The following ST8SIA5 variants were observed in gnomAD, a reference collection of about 807,000 sequenced individuals.
ST8SIA5 encodes the protein ST8 alpha-N-acetyl-neuraminide alpha-2,8-sialyltransferase 5.
A neutral mutation model predicts 40.2 loss-of-function variants in ST8SIA5; 24 were observed. The ratio of observed to expected loss-of-function variants is 0.60; its 90% CI spans 0.43 to 0.84. The LOEUF (loss-of-function observed/expected upper bound fraction) is 0.84. Ranked by LOEUF, ST8SIA5 falls within the 40% of genes least tolerant of loss-of-function variation. ST8SIA5 has a pLI of 0.00. For missense variants in ST8SIA5, 465 were observed against 498.5 expected, an observed-to-expected ratio of 0.93 and a Z score of 0.64; for synonymous variants, 198 against 201.8, an observed-to-expected ratio of 0.98 and a Z score of 0.16.
intron 3 of ST8SIA5, among the ~76,000 whole-genome samples, chr18:46,690,950 A>G (rs1016043969): frequency 1.1e-4 from 17 of 152,290 alleles, no homozygotes; most frequent in African/African-American, 4.1e-4. Context: ...CTAAGTCTGG[A>G]CAACAGGCTT....
In ST8SIA5 at chr18:46,688,835, A is replaced by G. The variant is rs370182469; in HGVS notation, c.396T>C (p.Tyr132=). 12 of 1,613,892 alleles carry G rather than the reference A, an allele frequency of 7.4e-6. No individual in the cohort carries two copies. The African/African-American group carries it at 1.5e-4, about 20-fold the overall frequency. ...GGTAGATGCCACTGGTGTCCACCTC[A>G]TACTTGAGCTTTGTCCCCAGGGGAG... The part of the protein sequence containing the change: ...KNTPLGTKLK[Y]EVDTSGIYHI... Residue 132 remains tyrosine (Y), a synonymous_variant, in exon 4 of 7, where the codon TAT becomes TAC. Transcript: ENST00000315087.
intron 1 of ST8SIA5, among the ~76,000 whole-genome samples, chr18:46,743,022 A>G (rs1355166906): frequency 2.6e-5 from 4 of 152,154 alleles, no homozygotes; most frequent in African/African-American, 7.2e-5. Flanking sequence ...TAGCATCAAC[A>G]TCAACAAAAA....
At chr18:46,751,874 C>T (rs920090525) in intron 1 of ST8SIA5, among the ~76,000 whole-genome samples, 14 of 152,136 alleles carry the variant, frequency 9.2e-5, no homozygotes, top group Non-Finnish European at 1.3e-4. Flanking sequence ...ACACTGATGT[C>T]AGTGGTTGGT....
At position 46,674,076 on chromosome 18, in the gene ST8SIA5, C is replaced by A. The variant is rs1279071927; in HGVS notation, c.*5966G>T. The A allele has an allele frequency of 6.6e-6, 1 of 152,190 alleles. No homozygotes were observed. 9.4% of individuals were successfully genotyped at this position (152,190 alleles called of 1,614,324 possible). A position where few individuals can be genotyped will look rare whatever the true frequency, so the allele number is the denominator to read the frequency against. On this transcript the variant is annotated 3_prime_UTR_variant, in exon 7 of 7. Coordinates refer to ENST00000315087, the MANE Select transcript of ST8SIA5 (RefSeq NM_013305.6). ...AAAGCTCAGCTCACCTGTTTCCCAGCCAAAGCATTCAGCATGTTCCTCTAG... is the reference window on the plus strand; with the variant it reads ...AAAGCTCAGCTCACCTGTTTCCCAGACAAAGCATTCAGCATGTTCCTCTAG...
At chr18:46,690,211 T>C (rs904545519) in intron 3 of ST8SIA5, among the ~76,000 whole-genome samples, 3 of 152,182 alleles carry the variant, frequency 2.0e-5, no homozygotes, top group African/African-American at 4.8e-5. Flanking sequence ...GTGTGCCTAT[T>C]TGTAGGCAGC....
In ST8SIA5 at chr18:46,680,189, G is replaced by T. The variant is rs746255295; in HGVS notation, c.984C>A (p.Pro328=). 3 of 1,614,234 alleles carry T rather than the reference G, an allele frequency of 1.9e-6. No individual in the cohort carries two copies. The highest frequency in any genetic ancestry group is 1.1e-5 in the South Asian group (1 of 91,084). ...LFGFWAFPMN[P]SGLYITHHYY... ...AGTGGTGAGTGATGTAGAGGCCCGAGGGGTTCATGGGGAAGGCCCAGAAGC... is the reference window on the plus strand; with the variant it reads ...AGTGGTGAGTGATGTAGAGGCCCGATGGGTTCATGGGGAAGGCCCAGAAGC... The change falls in exon 7 of 7, where the codon CCC becomes CCA. Residue 328 remains proline (P), a synonymous_variant. Coordinates refer to ENST00000315087, the MANE Select transcript of ST8SIA5 (RefSeq NM_013305.6).
chr18:46,703,134 C>CT (rs1441326532), intron 2 of ST8SIA5, among the ~76,000 whole-genome samples: 3 of 152,180 alleles, frequency 2.0e-5, no homozygotes, highest in Non-Finnish European at 4.4e-5. Context: ...TATCTACTTT[C>CT]TTTTTTTATT....
chr18:46,690,541 C>T (rs1472428907), intron 3 of ST8SIA5, among the ~76,000 whole-genome samples: 1 of 151,676 alleles, frequency 6.6e-6, no homozygotes, highest in Admixed American at 6.6e-5. Context: ...ACACTCATCC[C>T]TGTTTTTCTC....
chr18:46,725,975 ATATATAT>A (rs2039918573), intron 1 of ST8SIA5, among the ~76,000 whole-genome samples: 15 of 27,142 alleles, frequency 5.5e-4, no homozygotes, highest in South Asian at 2.0e-3. Flanking sequence ...AAAAAAAAAT[ATATATAT>A]ATATATATAT....
At chr18:46,720,641 CA>C (rs746046674) in intron 1 of ST8SIA5, among the ~76,000 whole-genome samples, 2 of 152,032 alleles carry the variant, frequency 1.3e-5, no homozygotes, top group Admixed American at 6.5e-5. Flanking sequence ...CTTAAAAATA[CA>C]AAAATTAAGA....
At chr18:46,742,244 C>T (rs1360778081) in intron 1 of ST8SIA5, among the ~76,000 whole-genome samples, 1 of 151,864 alleles carries the variant, frequency 6.6e-6, no homozygotes, top group Non-Finnish European at 1.5e-5. Context: ...ACTTTTTTAA[C>T]ATTCCCTTTA....
At position 46,680,491 on chromosome 18, in the gene ST8SIA5, A is replaced by T. The variant is rs974801898; in HGVS notation, c.682T>A (p.Trp228Arg). ...ITERFHKLEK[W>R]RRPFYRVLQV... ...AGCACGCGATAGAACGGCCGCCGCCACTTCTCCAGCTTGTGGAACCTACAC... is the reference window on the plus strand; with the variant it reads ...AGCACGCGATAGAACGGCCGCCGCCTCTTCTCCAGCTTGTGGAACCTACAC... Residue 228 changes from tryptophan to arginine, a missense_variant, in exon 7 of 7, where the codon TGG (tryptophan) becomes AGG (arginine). Physicochemically the swap from Trp to Arg is moderately radical, Grantham distance 101 (BLOSUM62 -3). Coordinates refer to ENST00000315087, the MANE Select transcript of ST8SIA5 (RefSeq NM_013305.6). 4 of 1,594,184 alleles carry T rather than the reference A, an allele frequency of 2.5e-6. No homozygotes were observed. The highest frequency in any genetic ancestry group is 3.4e-6 in the Non-Finnish European group (4 of 1,167,848).
intron 1 of ST8SIA5, among the ~76,000 whole-genome samples, chr18:46,716,208 A>G (rs1599127917): frequency 6.6e-6 from 1 of 152,076 alleles, no homozygotes; most frequent in East Asian, 1.9e-4. Flanking sequence ...CTCATCTATA[A>G]AATGGAGGGT....
At position 46,677,259 on chromosome 18, in the gene ST8SIA5, T is replaced by C. The variant is rs2039345301; in HGVS notation, c.*2783A>G. 1.4e-5 allele frequency: 2 copies of C among 143,690 alleles called. No homozygotes were observed. Among genetic ancestry groups the C allele is most frequent in the Admixed American group, 7.0e-5 (1 of 14,304 alleles). The allele number at this position is 143,690 out of a possible 1,614,324, so 8.9% of individuals were successfully genotyped here. ...ACTGTCTGGGAAGCTAAGACAGAGG[T>C]TTGGAGCACAGACTTTGGGGCTCTA... On this transcript the variant is annotated 3_prime_UTR_variant, in exon 7 of 7. Transcript: ENST00000315087.
At chr18:46,681,402 C>T (rs1332629909) in intron 6 of ST8SIA5, among the ~76,000 whole-genome samples, 1 of 152,234 alleles carries the variant, frequency 6.6e-6, no homozygotes, top group Non-Finnish European at 1.5e-5. Flanking sequence ...CTCTCATCTC[C>T]CACTGTCCCC....
intron 1 of ST8SIA5, chr18:46,730,172 A>G (rs776622967): frequency 6.1e-6 from 6 of 985,274 alleles, no homozygotes; most frequent in Non-Finnish European, 6.0e-6. Context: ...CACTTTCTTC[A>G]GAGCTTCAAT....
At chr18:46,685,726 G>C (rs2039439391) in intron 5 of ST8SIA5, 1 of 170,404 alleles carries the variant, frequency 5.9e-6, no homozygotes, top group Non-Finnish European at 1.3e-5. Flanking sequence ...AAAGAGATAA[G>C]AGGGGGGCTT....
At position 46,668,620 on chromosome 18, in the gene ST8SIA5, C is replaced by T. The variant is rs1013051420; in HGVS notation, c.*11422G>A. 1 of 152,206 alleles carries T rather than the reference C, an allele frequency of 6.6e-6. No homozygotes were observed. The highest frequency in any genetic ancestry group is 2.4e-5 in the African/African-American group (1 of 41,438). The allele number at this position is 152,206 out of a possible 1,614,324, so 9.4% of individuals were successfully genotyped here. A position where few individuals can be genotyped will look rare whatever the true frequency, so the allele number is the denominator to read the frequency against. ...TTTTAAGAAAATACATAGACAAATGCATATATTTCAAAGTTCAAACAATAC... is the reference window on the plus strand; with the variant it reads ...TTTTAAGAAAATACATAGACAAATGTATATATTTCAAAGTTCAAACAATAC... On this transcript the variant is annotated 3_prime_UTR_variant, in exon 7 of 7. Transcript: ENST00000315087.
rs560523484 is a variant in ST8SIA5, at chr18:46,679,922, T to C, written c.*120A>G. 331 of 947,744 alleles carry C rather than the reference T, an allele frequency of 3.5e-4. 4 individuals are homozygous for C. In the African/African-American group the frequency reaches 5.1e-3, roughly 15 times the overall value. 58.7% of individuals were successfully genotyped at this position (947,744 alleles called of 1,614,324 possible). A position where few individuals can be genotyped will look rare whatever the true frequency, so the allele number is the denominator to read the frequency against. ...AGGATCCAAGTACAGAGCTGAACAATGGAGGGAGAGACAGCCTGAACGCCA... is the reference window on the plus strand; with the variant it reads ...AGGATCCAAGTACAGAGCTGAACAACGGAGGGAGAGACAGCCTGAACGCCA... On this transcript the variant is annotated 3_prime_UTR_variant, in exon 7 of 7. Coordinates refer to ENST00000315087, the MANE Select transcript of ST8SIA5 (RefSeq NM_013305.6).
Sources: gnomAD v4.1 joint callset for allele counts (sites outside exome capture counted in the v4.1 genomes callset) on GRCh38, gnomAD v4.1.1 for gene constraint, MANE v1.5 for transcripts, NCBI Gene and HGNC (gene_info 2026-07-23, HGNC 2026-07-21) for gene names.